Variants in UBE2F observed in about 807,000 individuals in gnomAD.
UBE2F encodes the protein ubiquitin conjugating enzyme E2 F (putative).
In UBE2F, 5 loss-of-function variants were observed where a neutral mutation model predicts 29.6. The observed-to-expected ratio is 0.17, with a 90% CI of 0.09 to 0.36. The LOEUF (loss-of-function observed/expected upper bound fraction) is 0.36. UBE2F is among the 10% of genes least tolerant of loss of function. The pLI is 1.00. For missense variants in UBE2F, 141 were observed against 228.5 expected, an observed-to-expected ratio of 0.62 and a Z score of 2.47; for synonymous variants, 66 against 81.8, an observed-to-expected ratio of 0.81 and a Z score of 1.04.
intron 5 of UBE2F, among the ~76,000 whole-genome samples, chr2:238,024,520 T>A (rs866559319): frequency 6.6e-6 from 1 of 152,070 alleles, no homozygotes; most frequent in African/African-American, 2.4e-5. Flanking sequence ...TCTTTTTTTT[T>A]CCCTGGAGAG....
chr2:238,028,907 C>G (rs183586149), intron 6 of UBE2F: 23 of 98,676 alleles, frequency 2.3e-4, no homozygotes, highest in Admixed American at 8.0e-4. Context: ...CAGAAGGAAG[C>G]TTGGCAATAA....
At chr2:237,973,281 T>G (rs916661787) in intron 2 of UBE2F, 56 bp downstream of exon 2, 5 of 1,582,346 alleles carry the variant, frequency 3.2e-6, no homozygotes, top group Admixed American at 1.7e-5. Flanking sequence ...GAAGTTTGAC[T>G]GGAGAGTCTT....
At chr2:237,984,957 T>C (rs1199826566) in intron 2 of UBE2F, among the ~76,000 whole-genome samples, 3 of 149,748 alleles carry the variant, frequency 2.0e-5, no homozygotes, top group Non-Finnish European at 4.4e-5. Context: ...TTTTTGTTTG[T>C]TTATTTGTTT....
rs138971706 is a variant in UBE2F at position 238,021,101 on chromosome 2, C to CTGTA, written c.283-4240_283-4237dup. Among the ~76,000 whole-genome samples the CTGTA allele has an allele frequency of 1.8e-3, 279 of 152,314 alleles. 2 individuals are homozygous for CTGTA. The highest frequency in any genetic ancestry group is 6.3e-3 in the African/African-American group (263 of 41,566). Reference sequence around the variant, plus strand: ...AGGACTGGTTGGAGGAAGCTGTGTGCTGTAGCAGGAGAAAGGATTACAGCT... The same window carrying CTGTA: ...AGGACTGGTTGGAGGAAGCTGTGTGCTGTATGTAGCAGGAGAAAGGATTACAGCT... On this transcript the variant is annotated intron_variant, in intron 5 of 9. Transcript: ENST00000272930.
At chr2:237,974,111 A>T (rs191960240) in intron 2 of UBE2F, among the ~76,000 whole-genome samples, 13 of 151,390 alleles carry the variant, frequency 8.6e-5, no homozygotes, top group Admixed American at 7.2e-4. Context: ...CTCCTGCCTC[A>T]GCCTCCTGAG....
At chr2:237,997,812 A>G (rs1261293486) in intron 4 of UBE2F, among the ~76,000 whole-genome samples, 1 of 152,230 alleles carries the variant, frequency 6.6e-6, no homozygotes, top group Non-Finnish European at 1.5e-5. Flanking sequence ...TTAGAGAAAA[A>G]CATGGAAATG....
At chr2:237,973,598 G>T (rs1215321778) in intron 2 of UBE2F, 40 of 1,062,034 alleles carry the variant, frequency 3.8e-5, no homozygotes, top group Non-Finnish European at 5.2e-5. Flanking sequence ...TCTGTAAAGG[G>T]GAAGGAGTCA....
rs760028562 is a variant in UBE2F, at chr2:238,016,545, T to C, written c.215-21T>C. The C allele has an allele frequency of 2.5e-6, 4 of 1,598,534 alleles. No individual in the cohort carries two copies. In the African/African-American group the frequency reaches 5.4e-5, roughly 22 times the overall value. ...TTTTAATTTAAAGGATTTTTTTGTT[T>C]TGTTTTGTGTTTTTTGATAGATGAG... On this transcript the variant is annotated intron_variant, in intron 4 of 9. Coordinates refer to ENST00000272930, the MANE Select transcript of UBE2F (RefSeq NM_080678.3).
rs145862642 is a variant in UBE2F at position 237,970,989 on chromosome 2, A to G, written c.-16-2103A>G. 1.8e-3 allele frequency among the ~76,000 whole-genome samples: 281 copies of G among 152,384 alleles called. 2 individuals are homozygous for G. Among genetic ancestry groups the G allele is most frequent in the African/African-American group, 6.4e-3 (265 of 41,588 alleles). On this transcript the variant is annotated intron_variant, in intron 1 of 9. Transcript: ENST00000272930. ...CGGCCTACCGAAGTGCTGGGATTAT[A>G]GGCATGAGCCACCATGCCTGGCCTG...
chr2:237,998,612 C>T (rs1178173342), intron 4 of UBE2F, among the ~76,000 whole-genome samples: 24 of 140,256 alleles, frequency 1.7e-4, no homozygotes, highest in Admixed American at 1.5e-3. Context: ...CTGCCGTGAG[C>T]TTTTTTTTTT....
At chr2:238,000,889 C>T (rs2063778324) in intron 4 of UBE2F, among the ~76,000 whole-genome samples, 1 of 152,182 alleles carries the variant, frequency 6.6e-6, no homozygotes, top group Non-Finnish European at 1.5e-5. Context: ...TTGCATTTCC[C>T]TAATGACTAG....
chr2:237,993,094 TCTC>T (rs1489372376), intron 3 of UBE2F, among the ~76,000 whole-genome samples: 3 of 152,008 alleles, frequency 2.0e-5, no homozygotes, highest in African/African-American at 7.2e-5. Flanking sequence ...TTCAGGCAAT[TCTC>T]CTGCCTCAGC....
chr2:237,967,099 GCCGGGCCCGCCTCGCCTGT>G lies in UBE2F; in HGVS notation c.-48_-30del. ...GCCCGGACCGGGCATGGTGTTGGGC[GCCGGGCCCGCCTCGCCTGT>G]CTCGGGGAGCCCAGGTGAGGAGCGA... On this transcript the variant is annotated 5_prime_UTR_variant, in exon 1 of 10. An upstream open reading frame in the 5' UTR loses its in-frame stop. Transcript: ENST00000272930. The surrounding 1 kb of genome is among the most constrained non-coding windows in gnomAD (Gnocchi z 6.3). The G allele has an allele frequency of 7.4e-7, 1 of 1,345,990 alleles. No individual in the cohort carries two copies. The highest frequency in any genetic ancestry group is 9.6e-7 in the Non-Finnish European group (1 of 1,044,870). 83.4% of individuals were successfully genotyped at this position (1,345,990 alleles called of 1,614,324 possible).
At chr2:237,970,802 G>A (rs1034250957) in intron 1 of UBE2F, among the ~76,000 whole-genome samples, 2 of 152,146 alleles carry the variant, frequency 1.3e-5, no homozygotes, top group Non-Finnish European at 2.9e-5. Context: ...CCACCTCCCG[G>A]GTTCAACCTA....
intron 5 of UBE2F, among the ~76,000 whole-genome samples, chr2:238,020,785 G>A (rs1389432357): frequency 6.6e-6 from 1 of 152,214 alleles, no homozygotes; most frequent in Non-Finnish European, 1.5e-5. Flanking sequence ...CCAAACGGAT[G>A]TAGTGACATT....
At chr2:237,998,188 T>C (rs2063726011) in intron 4 of UBE2F, among the ~76,000 whole-genome samples, 1 of 152,228 alleles carries the variant, frequency 6.6e-6, no homozygotes, top group African/African-American at 2.4e-5. Context: ...TAAAATGTAC[T>C]AATTTGAAAT....
intron 2 of UBE2F, among the ~76,000 whole-genome samples, chr2:237,980,972 C>T (rs769567645): frequency 3.3e-5 from 5 of 152,120 alleles, no homozygotes; most frequent in Non-Finnish European, 7.4e-5. Context: ...AGTGTAGTCA[C>T]GCTTCAAATG....
intron 3 of UBE2F, among the ~76,000 whole-genome samples, chr2:237,989,392 G>A (rs917751394): frequency 5.0e-4 from 76 of 152,036 alleles, no homozygotes; most frequent in East Asian, 1.7e-3. Flanking sequence ...TCACTCTGTC[G>A]CCCAGGCTGG....
At chr2:237,998,227 A>G (rs541001871) in intron 4 of UBE2F, among the ~76,000 whole-genome samples, 2 of 152,378 alleles carry the variant, frequency 1.3e-5, no homozygotes, top group African/African-American at 4.8e-5. Flanking sequence ...AAATGTATAC[A>G]CATATGTAAC....
Sources: allele counts gnomAD v4.1 joint callset (sites outside exome capture counted in the v4.1 genomes callset), GRCh38; gene constraint gnomAD v4.1.1; non-coding constraint Gnocchi (gnomAD v3.1); transcripts MANE v1.5; gene names NCBI Gene and HGNC (gene_info 2026-07-23, HGNC 2026-07-21).